EPB41L3: variants seen among roughly 807,000 people sequenced by gnomAD.
EPB41L3 encodes the protein erythrocyte membrane protein band 4.1 like 3, also known as band 4.1-like protein 3.
In EPB41L3, 57 loss-of-function variants were observed where a neutral mutation model predicts 127.1. That is an observed-to-expected ratio of 0.45 (90% CI 0.36 to 0.56). The LOEUF (loss-of-function observed/expected upper bound fraction) is 0.56, where lower values mean the gene tolerates loss of function less well. Ranked by LOEUF, EPB41L3 falls within the 20% of genes least tolerant of loss-of-function variation. The probability of loss-of-function intolerance (pLI) is 0.00; values close to 1 mark genes in which losing one functional copy is unlikely to be tolerated. For synonymous variants in EPB41L3, 572 were observed against 549.5 expected (o/e 1.04, Z -0.57); for missense variants, 1,273 against 1,372.2 (o/e 0.93, Z 1.14).
intron 8 of EPB41L3, among the ~76,000 whole-genome samples, chr18:5,428,908 A>C (rs1223293440): frequency 6.6e-6 from 1 of 152,232 alleles, no homozygotes; most frequent in East Asian, 1.9e-4. Context: ...CCAGCTGAAC[A>C]CAGCCTGGTT....
chr18:5,554,921 G>T (rs1337202531), intron 3 of EPB41L3, among the ~76,000 whole-genome samples: 1 of 152,150 alleles, frequency 6.6e-6, no homozygotes, highest in African/African-American at 2.4e-5. Flanking sequence ...TAAAGATTTA[G>T]CCACCATCAA....
rs1034822964 is a variant in EPB41L3, at chr18:5,495,895, C to T, written c.-11-6701G>A. Among the ~76,000 whole-genome samples, 4 of 152,236 alleles carry T rather than the reference C, an allele frequency of 2.6e-5. 1 individual carries two copies. The highest frequency in any genetic ancestry group is 2.1e-4 in the South Asian group (1 of 4,830). ...CAGCAAGAAATCTAAAGAAATGTTGCGAAGTGAAGACAGATACTACCTGAT... is the reference window on the plus strand; with the variant it reads ...CAGCAAGAAATCTAAAGAAATGTTGTGAAGTGAAGACAGATACTACCTGAT... On this transcript the variant is annotated intron_variant, in intron 1 of 22. Transcript: ENST00000341928.
chr18:5,490,687 G>A (rs995772128), intron 1 of EPB41L3, among the ~76,000 whole-genome samples: 18 of 152,108 alleles, frequency 1.2e-4, no homozygotes, highest in African/African-American at 3.1e-4. Context: ...AGATTTTCGA[G>A]CAAATCTTAA....
chr18:5,394,586 G>C lies in EPB41L3; in HGVS notation c.*6+91C>G, dbSNP rs146579887. 71 of 919,098 alleles carry C rather than the reference G, an allele frequency of 7.7e-5. No individual in the cohort carries two copies. The African/African-American group carries it at 1.1e-3, about 14-fold the overall frequency. The allele number at this position is 919,098 out of a possible 1,614,324, so 56.9% of individuals were successfully genotyped here. On this transcript the variant is annotated intron_variant, in intron 22 of 22. Coordinates refer to ENST00000341928, the MANE Select transcript of EPB41L3 (RefSeq NM_012307.5). The stretch of plus-strand genomic sequence containing the variant: ...CAACAAATGCCAGTGAGAGAACAGA[G>C]GAAAGGAGGGATCAGGTGAAGGATG...
intron 1 of EPB41L3, among the ~76,000 whole-genome samples, chr18:5,621,573 T>C (rs1219081225): frequency 6.6e-6 from 1 of 152,116 alleles, no homozygotes; most frequent in East Asian, 1.9e-4. Flanking sequence ...ACCTCATCTC[T>C]ACAAAAGTAA....
At position 5,543,723 on chromosome 18, in the gene EPB41L3, G is replaced by C. The variant is rs1431693334; in HGVS notation, c.-12+190C>G. ...CTCGGCCCGGTGGGGGTCCCGGCGA[G>C]CGGGAGGGCGGTTGGGGACCCCGGC... On this transcript the variant is annotated intron_variant, in intron 1 of 22. Transcript: ENST00000341928. The surrounding 1 kb of genome is among the most constrained non-coding windows in gnomAD (Gnocchi z 5.2). Among the ~76,000 whole-genome samples the C allele has an allele frequency of 2.7e-5, 4 of 147,530 alleles. No individual in the cohort carries two copies. Among genetic ancestry groups the C allele is most frequent in the Non-Finnish European group, 4.5e-5 (3 of 66,380 alleles).
chr18:5,607,298 G>A (rs926043992), intron 3 of EPB41L3, among the ~76,000 whole-genome samples: 32 of 152,294 alleles, frequency 2.1e-4, no homozygotes, highest in Admixed American at 2.0e-3. Flanking sequence ...ACAAAACTCA[G>A]GAAAGATATG....
At chr18:5,622,681 T>C (rs1171916880) in intron 1 of EPB41L3, among the ~76,000 whole-genome samples, 1 of 152,180 alleles carries the variant, frequency 6.6e-6, no homozygotes, top group African/African-American at 2.4e-5. Flanking sequence ...AGAATGCAAA[T>C]ATGTTTTAAT....
chr18:5,570,524 T>C (rs2094263566), intron 3 of EPB41L3, among the ~76,000 whole-genome samples: 1 of 152,216 alleles, frequency 6.6e-6, no homozygotes, highest in Non-Finnish European at 1.5e-5. Context: ...TTTAAATTTC[T>C]AAACAACTGG....
chr18:5,459,332 T>C (rs1025916056), intron 3 of EPB41L3, among the ~76,000 whole-genome samples: 5 of 152,028 alleles, frequency 3.3e-5, no homozygotes, highest in African/African-American at 1.2e-4. Flanking sequence ...CTGGATCCCA[T>C]TCATTGGCTT....
intron 3 of EPB41L3, among the ~76,000 whole-genome samples, chr18:5,597,495 A>G (rs1484027970): frequency 1.3e-5 from 2 of 152,048 alleles, no homozygotes; most frequent in Admixed American, 1.3e-4. Context: ...TTTTCTCCCA[A>G]TCCCATGGTA....
chr18:5,537,954 G>A (rs569297191), intron 1 of EPB41L3, among the ~76,000 whole-genome samples: 40 of 152,176 alleles, frequency 2.6e-4, no homozygotes, highest in African/African-American at 9.2e-4. Context: ...ATATTATAAA[G>A]TACATTTCAA....
At chr18:5,566,388 G>C (rs1387493577) in intron 3 of EPB41L3, among the ~76,000 whole-genome samples, 1 of 152,002 alleles carries the variant, frequency 6.6e-6, no homozygotes, top group Non-Finnish European at 1.5e-5. Flanking sequence ...AAAATACCTA[G>C]GAATCCAACT....
At chr18:5,589,696 C>T (rs537503702) in intron 3 of EPB41L3, among the ~76,000 whole-genome samples, 42 of 152,190 alleles carry the variant, frequency 2.8e-4, no homozygotes, top group Admixed American at 2.4e-3. Flanking sequence ...TATTTTTATT[C>T]CAATATTTTG....
At chr18:5,544,042 C>T (rs1189553826), upstream of EPB41L3, 16 of 985,370 alleles carry the variant, frequency 1.6e-5, no homozygotes, top group African/African-American at 8.7e-5. Flanking sequence ...CGCCGCTGTT[C>T]CCCCCGCCCC....
chr18:5,443,133 G>A (rs886969382), intron 5 of EPB41L3, among the ~76,000 whole-genome samples: 33 of 152,112 alleles, frequency 2.2e-4, no homozygotes, highest in Admixed American at 4.6e-4. Context: ...TTCCACAAGT[G>A]AAATTAAGGG....
At chr18:5,619,916 A>G (rs1239588631) in intron 1 of EPB41L3, among the ~76,000 whole-genome samples, 2 of 152,330 alleles carry the variant, frequency 1.3e-5, no homozygotes, top group East Asian at 3.9e-4. Context: ...CAGAAAAGCA[A>G]TAGATTGTTA....
chr18:5,438,521 T>C (rs2080201799), intron 5 of EPB41L3, among the ~76,000 whole-genome samples: 1 of 152,206 alleles, frequency 6.6e-6, no homozygotes, highest in African/African-American at 2.4e-5. Context: ...ATTTTCTTTG[T>C]CCTTTCTGCT....
chr18:5,526,548 C>G (rs1170543888), intron 1 of EPB41L3, among the ~76,000 whole-genome samples: 1 of 152,208 alleles, frequency 6.6e-6, no homozygotes, highest in Non-Finnish European at 1.5e-5. Context: ...CCAATACCTA[C>G]TGAGTACCTG....
Sources: allele counts gnomAD v4.1 joint callset (sites outside exome capture counted in the v4.1 genomes callset), GRCh38; gene constraint gnomAD v4.1.1; non-coding constraint Gnocchi (gnomAD v3.1); transcripts MANE v1.5; gene names NCBI Gene and HGNC (gene_info 2026-07-23, HGNC 2026-07-21).